Variants in APC2 observed in about 807,000 individuals in gnomAD.
APC2 encodes adenomatous polyposis coli protein 2.
APC2 carries 41 observed loss-of-function variants against 72.5 expected under a neutral mutation model. That is an observed-to-expected ratio of 0.57 (90% CI 0.44 to 0.73). The LOEUF is 0.73. APC2 is among the 30% of genes least tolerant of loss of function. The probability of loss-of-function intolerance (pLI) is 0.00; values close to 1 mark genes in which losing one functional copy is unlikely to be tolerated. For synonymous variants in APC2, 1,898 were observed against 1,612.0 expected, an observed-to-expected ratio of 1.18 and a Z score of -4.25; for missense variants, 3,729 against 3,403.4, an observed-to-expected ratio of 1.10 and a Z score of -2.38.
chr19:1,464,702 G>A (rs1432780039), intron 14 of APC2, among the ~76,000 whole-genome samples: 6 of 137,602 alleles, frequency 4.4e-5, no homozygotes, highest in East Asian at 4.3e-4. Context: ...GCGCGATCTC[G>A]GCTCACTGCA....
chr19:1,456,058 T>G lies in APC2; in HGVS notation c.640-18T>G, dbSNP rs573256240. 2.6e-6 allele frequency: 4 copies of G among 1,546,200 alleles called. No individual in the cohort carries two copies. The South Asian group carries it at 3.5e-5, about 14-fold the overall frequency. On this transcript the variant is annotated intron_variant, in intron 6 of 14. Transcript: ENST00000590469. ...GCGGGGTCAGCTCCAGCACTTGCCC[T>G]CGTGTGGTCCTGAGCAGATCCGCGC...
chr19:1,449,609 C>G (rs908357270), upstream of APC2, among the ~76,000 whole-genome samples: 1 of 152,126 alleles, frequency 6.6e-6, no homozygotes, highest in Non-Finnish European at 1.5e-5. Flanking sequence ...TGCAGCGTCC[C>G]AGGTGCTCCC....
chr19:1,466,274 C>T lies in APC2; in HGVS notation c.2973C>T (p.Arg991=), dbSNP rs2084012973. The T allele has an allele frequency of 5.2e-6, 8 of 1,528,602 alleles. No homozygotes were observed. The highest frequency in any genetic ancestry group is 7.0e-6 in the Non-Finnish European group (8 of 1,144,630). The allele number at this position is 1,528,602 out of a possible 1,614,324, so 94.7% of individuals were successfully genotyped here. A position where few individuals can be genotyped will look rare whatever the true frequency, so the allele number is the denominator to read the frequency against. Residue 991 remains arginine (R), a synonymous_variant, in exon 15 of 15, where the codon CGC becomes CGT. Coordinates refer to ENST00000590469, the MANE Select transcript of APC2 (RefSeq NM_005883.3). ...CCACCTCCGCCGACGCCCGCGTGCG[C>T]ACCATCAAGCTGTCGCCTACCTATC... ...REATSADARV[R]TIKLSPTYQH...
Position 1,472,350 on chromosome 19 carries a change from T to C in APC2, c.*2137T>C, listed in dbSNP as rs1028494779. The C allele has an allele frequency of 3.3e-5, 5 of 152,328 alleles. No individual in the cohort carries two copies. The allele number at this position is 152,328 out of a possible 1,614,324, so 9.4% of individuals were successfully genotyped here. On this transcript the variant is annotated 3_prime_UTR_variant, in exon 15 of 15. Transcript: ENST00000590469. The stretch of plus-strand genomic sequence containing the variant: ...GTCGCTGGTGACAGGGCCAGGGTTA[T>C]GCAGGAAGGTGGTGCGGCATTGCCT...
rs755322768 is a variant in APC2 at position 1,465,597 on chromosome 19, G to A, written c.2296G>A (p.Gly766Ser). The change falls in exon 15 of 15, where the codon GGC (glycine) becomes AGC (serine). Residue 766 changes from glycine to serine, a missense_variant. By Grantham distance (56) the Gly-to-Ser change is moderately conservative. Coordinates refer to ENST00000590469, the MANE Select transcript of APC2 (RefSeq NM_005883.3). ...KPLPPLRHLD[G>S]LAQDYASDSG... ...GCTGCCGCCCCTGCGACACCTGGAC[G>A]GCCTGGCCCAAGACTATGCTTCCGA... 14 of 1,587,414 alleles carry A rather than the reference G, an allele frequency of 8.8e-6. No homozygotes were observed. Among genetic ancestry groups the A allele is most frequent in the African/African-American group, 5.4e-5 (4 of 73,698 alleles).
Position 1,452,796 on chromosome 19 carries a change from C to T in APC2, c.-18-188C>T, listed in dbSNP as rs539331770. On this transcript the variant is annotated intron_variant, in intron 1 of 14. Transcript: ENST00000590469. The surrounding 1 kb of genome is among the most constrained non-coding windows in gnomAD (Gnocchi z 5.1). ...ACCTCTCACTCCACCTGCCCCTCTGCGCCCCGGATTGCCTGGCCACCACCA... is the reference window on the plus strand; with the variant it reads ...ACCTCTCACTCCACCTGCCCCTCTGTGCCCCGGATTGCCTGGCCACCACCA... 3.5e-5 allele frequency: 23 copies of T among 655,134 alleles called. No individual in the cohort carries two copies. Among genetic ancestry groups the T allele is most frequent in the African/African-American group, 2.0e-4 (11 of 54,948 alleles). The allele number at this position is 655,134 out of a possible 1,614,324, so 40.6% of individuals were successfully genotyped here.
chr19:1,448,799 G>C (rs1314154826), upstream of APC2, among the ~76,000 whole-genome samples: 7 of 150,388 alleles, frequency 4.7e-5, no homozygotes, highest in African/African-American at 7.3e-5. Flanking sequence ...AGCCGAGAAC[G>C]TGCCACTGCA....
Position 1,468,036 on chromosome 19 carries a change from C to T in APC2, c.4735C>T (p.Leu1579=). 2 of 1,582,088 alleles carry T rather than the reference C, an allele frequency of 1.3e-6. No individual in the cohort carries two copies. Among genetic ancestry groups the T allele is most frequent in the Non-Finnish European group, 1.7e-6 (2 of 1,173,256 alleles). ...TGACGAGACCCCGCCCTGCTACTCC[C>T]TGAGCTCCTCCGCCAGCTCCCTCAG... ...IADETPPCYS[L]SSSASSLSEP... Residue 1579 remains leucine, a synonymous_variant, in exon 15 of 15, where the codon CTG becomes TTG. Coordinates refer to ENST00000590469, the MANE Select transcript of APC2 (RefSeq NM_005883.3).
At chr19:1,465,049 C>A in intron 14 of APC2, 106 bp from the exon 15 acceptor site, 1 of 1,295,094 alleles carries the variant, frequency 7.7e-7, no homozygotes, top group Non-Finnish European at 1.1e-6. Context: ...AAGATCCAAA[C>A]CTAACCAGAT....
intron 13 of APC2, chr19:1,461,681 T>C (rs1460454696): frequency 1.6e-5 from 7 of 438,602 alleles, no homozygotes; most frequent in Non-Finnish European, 2.4e-5. Flanking sequence ...TGAAACCCCG[T>C]CTCTACTAAA....
intron 14 of APC2, 113 bp from the exon 15 acceptor site, chr19:1,465,042 A>T (rs1568176963): frequency 8.3e-7 from 1 of 1,208,244 alleles, no homozygotes. Flanking sequence ...TCTTTCCAAG[A>T]TCCAAACCTA....
rs773724837 is a variant in APC2 at position 1,457,246 on chromosome 19, G to C, written c.1207+3G>C. 4.6e-5 allele frequency: 70 copies of C among 1,523,976 alleles called. No individual in the cohort carries two copies. The highest frequency in any genetic ancestry group is 2.2e-4 in the Middle Eastern group (1 of 4,524). The allele number at this position is 1,523,976 out of a possible 1,614,324, so 94.4% of individuals were successfully genotyped here. On this transcript the variant is annotated splice_donor_region_variant and intron_variant, in intron 9 of 14. Coordinates refer to ENST00000590469, the MANE Select transcript of APC2 (RefSeq NM_005883.3). ...CGAGGGAGGTGGCGCCGGCAGCGGT[G>C]AGTGCCTGGCCTGGTGGGCCCCCTC...
upstream of APC2, among the ~76,000 whole-genome samples, chr19:1,449,996 G>C (rs1051976430): frequency 4.0e-5 from 6 of 151,592 alleles, no homozygotes; most frequent in African/African-American, 1.5e-4. Context: ...GAGGCCCGAC[G>C]CCCCGCGGCC....
chr19:1,450,203 C>A lies in APC2; in HGVS notation c.-154C>A. 1.0e-6 allele frequency: 1 copy of A among 985,378 alleles called. No individual in the cohort carries two copies. The highest frequency in any genetic ancestry group is 4.7e-5 in the South Asian group (1 of 21,292). The allele number at this position is 985,378 out of a possible 1,614,324, so 61.0% of individuals were successfully genotyped here. On this transcript the variant is annotated 5_prime_UTR_variant, in exon 1 of 15. Coordinates refer to ENST00000590469, the MANE Select transcript of APC2 (RefSeq NM_005883.3). ...GCTTTGTCCGCCCCGGAGCCCCTGC[C>A]CGCGCCGCGGAGACCCCGGAGCCCG...
At chr19:1,464,953 C>G (rs1236529553) in intron 14 of APC2, among the ~76,000 whole-genome samples, 1 of 146,186 alleles carries the variant, frequency 6.8e-6, no homozygotes, top group Non-Finnish European at 1.5e-5. Context: ...TTTTTTTTAA[C>G]TCCATCTCAA....
At chr19:1,462,329 G>C in intron 14 of APC2, 152 bp downstream of exon 14, 1 of 732,774 alleles carries the variant, frequency 1.4e-6, no homozygotes, top group South Asian at 1.9e-5. Flanking sequence ...TACTGCGTGA[G>C]ATATACTAAA....
chr19:1,454,567 T>A (rs1429277449), intron 4 of APC2, among the ~76,000 whole-genome samples: 1 of 145,532 alleles, frequency 6.9e-6, no homozygotes, highest in Non-Finnish European at 1.5e-5. Flanking sequence ...TTTGTACTTT[T>A]TTTTTTTTTT....
chr19:1,467,675 G>A lies in APC2; in HGVS notation c.4374G>A (p.Ala1458=), dbSNP rs990929135. Residue 1458 remains alanine, a synonymous_variant, in exon 15 of 15, where the codon GCG becomes GCA. Coordinates refer to ENST00000590469, the MANE Select transcript of APC2 (RefSeq NM_005883.3). ...AGRSAEQSRG[A]GKNRAGLELP... is the part of the protein sequence containing the mutation. ...GCAGCGCGGAGCAGTCTCGGGGCGC[G>A]GGCAAGAACAGAGCAGGGCTGGAGC... 1.7e-5 allele frequency: 25 copies of A among 1,476,230 alleles called. No individual in the cohort carries two copies. Among genetic ancestry groups the A allele is most frequent in the Non-Finnish European group, 2.1e-5 (24 of 1,121,802 alleles). The allele number at this position is 1,476,230 out of a possible 1,614,324, so 91.4% of individuals were successfully genotyped here.
At chr19:1,454,730 A>G (rs938373259) in intron 4 of APC2, among the ~76,000 whole-genome samples, 1 of 151,562 alleles carries the variant, frequency 6.6e-6, no homozygotes, top group Non-Finnish European at 1.5e-5. Flanking sequence ...CGCCCGGCTA[A>G]TTTTGTTTTC....
Sources: gnomAD v4.1 joint callset for allele counts (sites outside exome capture counted in the v4.1 genomes callset) on GRCh38, gnomAD v4.1.1 for gene constraint, Gnocchi (gnomAD v3.1) non-coding constraint, MANE v1.5 for transcripts, NCBI Gene and HGNC (gene_info 2026-07-23, HGNC 2026-07-21) for gene names.